Variants in DNAJC12 observed in about 807,000 individuals in gnomAD.
DNAJC12 encodes the protein dnaJ homolog subfamily C member 12.
In DNAJC12, 25 loss-of-function variants were observed where a neutral mutation model predicts 28.5. The observed-to-expected ratio is 0.88, with a 90% CI of 0.64 to 1.22. DNAJC12 has a LOEUF of 1.22. DNAJC12 is among the 50% of genes most tolerant of loss of function. The pLI, the probability that DNAJC12 is intolerant of heterozygous loss-of-function variation, is 0.00. For missense variants in DNAJC12, 222 were observed against 231.7 expected (o/e 0.96, Z 0.27); for synonymous variants, 77 against 80.6 (o/e 0.95, Z 0.24).
At chr10:67,816,211 G>A in intron 2 of DNAJC12, 1 of 396,566 alleles carries the variant, frequency 2.5e-6, no homozygotes, top group Non-Finnish European at 4.4e-6. Flanking sequence ...TTAAATGTAT[G>A]CCATTTACAA....
At chr10:67,835,046 C>CT (rs1842129371) in intron 1 of DNAJC12, among the ~76,000 whole-genome samples, 1 of 152,096 alleles carries the variant, frequency 6.6e-6, no homozygotes. Flanking sequence ...TAAAAACTCT[C>CT]TGAGAAGGAA....
intron 4 of DNAJC12, among the ~76,000 whole-genome samples, chr10:67,797,463 G>C (rs57300920): frequency 1.1e-3 from 162 of 152,270 alleles, no homozygotes; most frequent in African/African-American, 3.7e-3. Context: ...ATACATAGAT[G>C]CCTCTGGTGG....
chr10:67,826,551 TA>T (rs1196341316), intron 1 of DNAJC12, among the ~76,000 whole-genome samples: 1 of 142,058 alleles, frequency 7.0e-6, no homozygotes, highest in Non-Finnish European at 1.5e-5. Context: ...TCATTATATA[TA>T]AGATATCTAA....
At position 67,797,153 on chromosome 10, in the gene DNAJC12, G is replaced by A; in HGVS notation, c.560C>T (p.Ser187Leu). ...LRFRWSKDAP[S>L]ELLRKFRNYE... ...GTTTCTGAACTTCCTCAGGAGTTCT[G>A]AGGGAGCATCCTTGGACCAGCGGAA... Residue 187 changes from serine to leucine, a missense_variant, in exon 5 of 5, where the codon TCA becomes TTA. Coordinates refer to ENST00000225171, the MANE Select transcript of DNAJC12 (RefSeq NM_021800.3). 6.2e-7 allele frequency: 1 copy of A among 1,613,654 alleles called. No homozygotes were observed. Among genetic ancestry groups the A allele is most frequent in the Non-Finnish European group, 8.5e-7 (1 of 1,179,758 alleles).
chr10:67,829,636 G>A (rs1165371933), intron 1 of DNAJC12, among the ~76,000 whole-genome samples: 1 of 151,830 alleles, frequency 6.6e-6, no homozygotes, highest in Admixed American at 6.6e-5. Flanking sequence ...GTGAGACTCC[G>A]TCTCAAAAAA....
intron 1 of DNAJC12, among the ~76,000 whole-genome samples, chr10:67,835,380 T>C (rs1564869071): frequency 6.6e-6 from 1 of 152,116 alleles, no homozygotes; most frequent in East Asian, 1.9e-4. Flanking sequence ...ATTTTTGAAA[T>C]GAGAAGCATA....
At chr10:67,815,734 G>T (rs1172182341) in intron 2 of DNAJC12, among the ~76,000 whole-genome samples, 1 of 152,140 alleles carries the variant, frequency 6.6e-6, no homozygotes, top group Non-Finnish European at 1.5e-5. Flanking sequence ...GCACATGCCA[G>T]TTGCTACTCA....
chr10:67,820,672 A>C (rs189151893), intron 2 of DNAJC12, among the ~76,000 whole-genome samples: 3 of 152,300 alleles, frequency 2.0e-5, no homozygotes, highest in Admixed American at 6.5e-5. Flanking sequence ...GACCTCACAT[A>C]TAGAAAAAAT....
At chr10:67,819,724 A>G (rs1404484044) in intron 2 of DNAJC12, among the ~76,000 whole-genome samples, 4 of 17,764 alleles carry the variant, frequency 2.3e-4, no homozygotes, top group Non-Finnish European at 3.3e-4. Flanking sequence ...GGAAGCAAGG[A>G]AGGAAGGAAG....
At chr10:67,802,142 G>A (rs1295383087) in intron 4 of DNAJC12, among the ~76,000 whole-genome samples, 1 of 151,946 alleles carries the variant, frequency 6.6e-6, no homozygotes, top group Non-Finnish European at 1.5e-5. Context: ...AGGAGTACAG[G>A]CCCAAGCCAC....
intron 1 of DNAJC12, chr10:67,834,086 G>A (rs563124642): frequency 1.2e-4 from 53 of 459,486 alleles, no homozygotes; most frequent in African/African-American, 9.9e-4. Flanking sequence ...GCTAAAAAAT[G>A]AAGTAAATGT....
chr10:67,809,983 C>A (rs1172398950), intron 3 of DNAJC12, among the ~76,000 whole-genome samples: 15 of 152,114 alleles, frequency 9.9e-5, no homozygotes, highest in Non-Finnish European at 2.1e-4. Flanking sequence ...TTGTATTAGT[C>A]CATTTCACAC....
Position 67,811,574 on chromosome 10 carries a change from T to C in DNAJC12, c.247A>G (p.Met83Val), listed in dbSNP as rs1387490556. 1.2e-6 allele frequency: 2 copies of C among 1,614,210 alleles called. No homozygotes were observed. Among genetic ancestry groups the C allele is most frequent in the Non-Finnish European group, 1.7e-6 (2 of 1,180,030 alleles). ...TCCCACTGCTGGAATGGCATCGACA[T>C]CTGGCTCCTTCGCCAGTGGTCATAG... is the stretch of plus-strand genomic sequence containing the variant. ...ARYDHWRRSQMSMPFQQWEAL... is the reference protein window; with the variant it reads ...ARYDHWRRSQVSMPFQQWEAL... The change falls in exon 3 of 5, where the codon ATG (methionine) becomes GTG (valine). Residue 83 changes from methionine (M) to valine (V), a missense_variant. Met to Val is a conservative substitution (Grantham distance 21). Transcript: ENST00000225171.
At chr10:67,833,599 A>G (rs1842114926) in intron 1 of DNAJC12, among the ~76,000 whole-genome samples, 1 of 152,132 alleles carries the variant, frequency 6.6e-6, no homozygotes, top group Non-Finnish European at 1.5e-5. Flanking sequence ...TTGCTGGACC[A>G]TGGTAGGGTT....
rs1842002874 is a variant in DNAJC12, at chr10:67,823,709, A to AT, written c.79-318_79-317insA. 2.6e-5 allele frequency among the ~76,000 whole-genome samples: 4 copies of AT among 152,132 alleles called. No homozygotes were observed. In the South Asian group the frequency reaches 6.2e-4, roughly 24 times the overall value. ...CAGCAAGATCTTATCTCAAAAAAAA[A>AT]AAGGTCAAACTTAAATGGCATGAAG... On this transcript the variant is annotated intron_variant, in intron 1 of 4. Transcript: ENST00000225171.
intron 3 of DNAJC12, among the ~76,000 whole-genome samples, chr10:67,810,132 A>G (rs886877608): frequency 1.3e-5 from 2 of 152,142 alleles, no homozygotes; most frequent in African/African-American, 2.4e-5. Flanking sequence ...GAAGGGGAAG[A>G]AAGGGCCTTC....
chr10:67,826,770 TGATATATAA>T (rs1842037767), intron 1 of DNAJC12, among the ~76,000 whole-genome samples: 1 of 108,424 alleles, frequency 9.2e-6, no homozygotes, highest in Admixed American at 1.2e-4. Flanking sequence ...TGATATCTAA[TGATATATAA>T]TATATATCAT....
At chr10:67,830,630 T>C (rs931134584) in intron 1 of DNAJC12, among the ~76,000 whole-genome samples, 203 of 149,840 alleles carry the variant, frequency 1.4e-3, no homozygotes, top group Admixed American at 2.1e-3. Context: ...AATAAATAAA[T>C]AAATAAATAA....
At chr10:67,822,253 A>G (rs957884898) in intron 2 of DNAJC12, among the ~76,000 whole-genome samples, 2 of 152,156 alleles carry the variant, frequency 1.3e-5, no homozygotes, top group Admixed American at 1.3e-4. Flanking sequence ...GCTGGAGGAG[A>G]ACCATGAGTG....
Sources: allele counts gnomAD v4.1 joint callset (sites outside exome capture counted in the v4.1 genomes callset), GRCh38; gene constraint gnomAD v4.1.1; transcripts MANE v1.5; gene names NCBI Gene and HGNC (gene_info 2026-07-23, HGNC 2026-07-21).